Variants in PEAR1 observed in about 807,000 individuals in gnomAD.
PEAR1 encodes the protein multiple EGF-like domains protein 12.
A neutral mutation model predicts 131.2 loss-of-function variants in PEAR1; 113 were observed. The ratio of observed to expected loss-of-function variants is 0.86; its 90% confidence interval spans 0.74 to 1.01. The LOEUF (loss-of-function observed/expected upper bound fraction) is 1.01. PEAR1 is among the 50% of genes least tolerant of loss of function. PEAR1 has a pLI of 0.00. For missense variants in PEAR1, 1,408 were observed against 1,391.1 expected (o/e 1.01, Z -0.19); for synonymous variants, 565 against 523.3 (o/e 1.08, Z -1.09).
In PEAR1 at chr1:156,914,979, A is replaced by T; in HGVS notation, c.*181A>T. 1 of 644,978 alleles carries T rather than the reference A, an allele frequency of 1.6e-6. No individual in the cohort carries two copies. The highest frequency in any genetic ancestry group is 2.4e-6 in the Non-Finnish European group (1 of 412,586). 40.0% of individuals were successfully genotyped at this position (644,978 alleles called of 1,614,324 possible). A position where few individuals can be genotyped will look rare whatever the true frequency, so the allele number is the denominator to read the frequency against. ...CTGGGTTCTACCATGGGAGACGCTG[A>T]TCAGCAGGATGCCTGGCTCCCTTTC... On this transcript the variant is annotated 3_prime_UTR_variant, in exon 23 of 23. Transcript: ENST00000292357.
Position 156,908,802 on chromosome 1 carries a change from C to T in PEAR1, c.1263C>T (p.Gly421=). The stretch of plus-strand genomic sequence containing the variant: ...GTGGCGTCTGCCAGGCTACCAGCGG[C>T]CTCTGTCAGTGCGCGCCGGGTTACA... ...LHGGVCQATS[G]LCQCAPGYTG... The change falls in exon 10 of 23, where the codon GGC becomes GGT. Residue 421 remains glycine, a synonymous_variant. Transcript: ENST00000292357. The surrounding 1 kb of genome is among the most constrained non-coding windows in gnomAD (Gnocchi z 4.2). 2 of 1,607,230 alleles carry T rather than the reference C, an allele frequency of 1.2e-6. No individual in the cohort carries two copies. The highest frequency in any genetic ancestry group is 1.7e-6 in the Non-Finnish European group (2 of 1,179,310).
At position 156,908,211 on chromosome 1, in the gene PEAR1, C is replaced by T. The variant is rs1650591921; in HGVS notation, c.986C>T (p.Pro329Leu). 3.7e-6 allele frequency: 6 copies of T among 1,602,684 alleles called. No individual in the cohort carries two copies. In the African/African-American group the frequency reaches 4.0e-5, roughly 11 times the overall value. Residue 329 changes from proline (P) to leucine (L), a missense_variant, in exon 9 of 23, where the codon CCG (proline) becomes CTG (leucine). Coordinates refer to ENST00000292357, the MANE Select transcript of PEAR1 (RefSeq NM_001080471.3). This position sits in a 1 kb window ranked among gnomAD's most constrained non-coding sequence, Gnocchi z 4.2. The stretch of plus-strand genomic sequence containing the variant: ...TGCGCCCCGGACGCCCGTTGCTTCC[C>T]GGCCAACGGCGCATGTCTGTGCGAA... ...CDCAPDARCFPANGACLCEHG... is the reference protein window; with the variant it reads ...CDCAPDARCFLANGACLCEHG...
At position 156,914,752 on chromosome 1, in the gene PEAR1, C is replaced by A. The variant is rs764750641; in HGVS notation, c.3068C>A (p.Pro1023Gln). 1 of 1,614,056 alleles carries A rather than the reference C, an allele frequency of 6.2e-7. No individual in the cohort carries two copies. The highest frequency in any genetic ancestry group is 8.5e-7 in the Non-Finnish European group (1 of 1,179,920). ...ATCCCTGGACATTATGACTTGCCTC[C>A]AGTACGGCATCCCCCATCACCTCCA... ...SHIPGHYDLP[P>Q]VRHPPSPPLR... The change falls in exon 23 of 23, where the codon CCA becomes CAA. Residue 1023 changes from proline to glutamine, a missense_variant. Physicochemically the swap from Pro to Gln is moderately conservative, Grantham distance 76 (BLOSUM62 -1). Transcript: ENST00000292357.
chr1:156,896,940 A>G (rs1380538855), intron 1 of PEAR1, among the ~76,000 whole-genome samples: 1 of 152,154 alleles, frequency 6.6e-6, no homozygotes, highest in African/African-American at 2.4e-5. Flanking sequence ...CCATCATCTC[A>G]TCAAACACGC....
At chr1:156,906,115 C>T (rs1364071211) in intron 4 of PEAR1, among the ~76,000 whole-genome samples, 161 bp from the exon 5 acceptor site, 1 of 152,198 alleles carries the variant, frequency 6.6e-6, no homozygotes, top group Non-Finnish European at 1.5e-5. Context: ...CTAAGTTCTC[C>T]CCCTGAGTTG....
chr1:156,911,069 C>CT (rs879378816), intron 15 of PEAR1, among the ~76,000 whole-genome samples: 132 of 115,606 alleles, frequency 1.1e-3, no homozygotes, highest in Non-Finnish European at 1.5e-3. Context: ...TTCTTTCTTT[C>CT]TTTCTTTCTT....
chr1:156,896,409 C>T (rs576244135), intron 1 of PEAR1, among the ~76,000 whole-genome samples: 58 of 152,306 alleles, frequency 3.8e-4, no homozygotes, highest in African/African-American at 1.3e-3. Context: ...GCCAGACAGC[C>T]CTTGGCAAGG....
chr1:156,906,350 G>A lies in PEAR1; in HGVS notation c.382G>A (p.Gly128Ser), dbSNP rs1650297741. 1.9e-6 allele frequency: 3 copies of A among 1,614,192 alleles called. No homozygotes were observed. The highest frequency in any genetic ancestry group is 1.6e-4 in the Middle Eastern group (1 of 6,062). Residue 128 changes from glycine (G) to serine (S), a missense_variant, in exon 5 of 23, where the codon GGC (glycine) becomes AGC (serine). By Grantham distance (56) the Gly-to-Ser change is moderately conservative. Transcript: ENST00000292357. ...GTGCCAATGTGTGCCAGGCTGGCGG[G>A]GCGACGACTGTTCCAGTGGTGAGTG... Reference protein sequence around the residue: ...NQCQCVPGWRGDDCSSECAPG... With the variant: ...NQCQCVPGWRSDDCSSECAPG...
chr1:156,906,080 G>A (rs1042756351), intron 4 of PEAR1, among the ~76,000 whole-genome samples, 196 bp from the exon 5 acceptor site: 1 of 152,208 alleles, frequency 6.6e-6, no homozygotes, highest in Non-Finnish European at 1.5e-5. Flanking sequence ...AAAGGAACAG[G>A]GGAACCCAGA....
chr1:156,905,070 T>C, intron 3 of PEAR1: 1 of 1,142,364 alleles, frequency 8.8e-7, no homozygotes, highest in Non-Finnish European at 1.3e-6. Flanking sequence ...TTACAGTATA[T>C]GCCTGTGGGG....
chr1:156,906,348 G>A lies in PEAR1; in HGVS notation c.380G>A (p.Arg127Gln), dbSNP rs755930891. The A allele has an allele frequency of 9.3e-6, 15 of 1,614,184 alleles. No individual in the cohort carries two copies. The African/African-American group carries it at 1.1e-4, about 11-fold the overall frequency. ...PNQCQCVPGW[R>Q]GDDCSSECAP... ...CAGTGCCAATGTGTGCCAGGCTGGCGGGGCGACGACTGTTCCAGTGGTGAG... is the reference window on the plus strand; with the variant it reads ...CAGTGCCAATGTGTGCCAGGCTGGCAGGGCGACGACTGTTCCAGTGGTGAG... The change falls in exon 5 of 23, where the codon CGG becomes CAG. Residue 127 changes from arginine to glutamine, a missense_variant. Transcript: ENST00000292357.
chr1:156,906,487 A>G, intron 5 of PEAR1, 119 bp downstream of exon 5: 2 of 1,529,968 alleles, frequency 1.3e-6, no homozygotes, highest in African/African-American at 1.4e-5. Context: ...TACCCGCCAG[A>G]GCCCCATTGC....
At chr1:156,909,131 C>T (rs1436151452) in intron 11 of PEAR1, 95 bp downstream of exon 11, 12 of 1,533,700 alleles carry the variant, frequency 7.8e-6, no homozygotes, top group South Asian at 2.4e-5. Context: ...GGCAGGGGAG[C>T]GGCTGCAGGG....
At position 156,912,570 on chromosome 1, in the gene PEAR1, G is replaced by A; in HGVS notation, c.2157G>A (p.Glu719=). 6.2e-7 allele frequency: 1 copy of A among 1,614,084 alleles called. No individual in the cohort carries two copies. Among genetic ancestry groups the A allele is most frequent in the South Asian group, 1.1e-5 (1 of 91,090 alleles). The change falls in exon 17 of 23, where the codon GAG becomes GAA. Residue 719 remains glutamate (E), a synonymous_variant. Transcript: ENST00000292357. The part of the protein sequence containing the change: ...QCGPGEKCHP[E]TGACVCPPGH... ...GTCCTGGAGAAAAGTGCCACCCAGAGACTGGGGCCTGTGTATGTCCCCCAG... is the reference window on the plus strand; with the variant it reads ...GTCCTGGAGAAAAGTGCCACCCAGAAACTGGGGCCTGTGTATGTCCCCCAG...
intron 1 of PEAR1, among the ~76,000 whole-genome samples, chr1:156,896,979 C>T (rs1649229006): frequency 1.3e-5 from 2 of 152,238 alleles, no homozygotes; most frequent in East Asian, 3.8e-4. Flanking sequence ...GGCCCCGAGA[C>T]AAGGGCCCAG....
At chr1:156,905,725 GCTGTCT>G (rs1285154506) in intron 4 of PEAR1, among the ~76,000 whole-genome samples, 1 of 152,072 alleles carries the variant, frequency 6.6e-6, no homozygotes, top group African/African-American at 2.4e-5. Context: ...CTGTCTTTGG[GCTGTCT>G]CTGTCTCTCT....
At position 156,909,035 on chromosome 1, in the gene PEAR1, A is replaced by G; in HGVS notation, c.1410A>G (p.Glu470=). ...SPIDGECVCK[E]GWQRGNCSVP... ...TCGACGGCGAGTGCGTCTGCAAGGA[A>G]GGTAATAGGGTGGAGTTTCCCAGAG... The change falls in exon 11 of 23, where the codon GAA becomes GAG. Residue 470 remains glutamate, a splice_region_variant and synonymous_variant. Coordinates refer to ENST00000292357, the MANE Select transcript of PEAR1 (RefSeq NM_001080471.3). 1 of 1,613,952 alleles carries G rather than the reference A, an allele frequency of 6.2e-7. No homozygotes were observed. Among genetic ancestry groups the G allele is most frequent in the Non-Finnish European group, 8.5e-7 (1 of 1,179,994 alleles).
At chr1:156,906,500 C>A in intron 5 of PEAR1, 132 bp downstream of exon 5, 1 of 1,531,110 alleles carries the variant, frequency 6.5e-7, no homozygotes, top group Non-Finnish European at 8.9e-7. Flanking sequence ...CCCATTGCTG[C>A]CATCTGCCTT....
chr1:156,908,273 T>A lies in PEAR1; in HGVS notation c.1048T>A (p.Cys350Ser), dbSNP rs751702595. Residue 350 changes from cysteine (C) to serine (S), a missense_variant, in exon 9 of 23, where the codon TGC becomes AGC. By Grantham distance (112) the Cys-to-Ser change is moderately radical. Transcript: ENST00000292357. This position sits in a 1 kb window ranked among gnomAD's most constrained non-coding sequence, Gnocchi z 4.2. ...FTGDRCTDRLCPDGFYGLSCQ... is the reference protein window; with the variant it reads ...FTGDRCTDRLSPDGFYGLSCQ... Reference sequence around the variant, plus strand: ...TGGGGACCGCTGCACGGATCGCCTCTGCCCCGACGGCTTCTACGGTCTCAG... The same window carrying A: ...TGGGGACCGCTGCACGGATCGCCTCAGCCCCGACGGCTTCTACGGTCTCAG... 3 of 1,588,076 alleles carry A rather than the reference T, an allele frequency of 1.9e-6. No individual in the cohort carries two copies. Among genetic ancestry groups the A allele is most frequent in the South Asian group, 2.3e-5 (2 of 88,024 alleles).
Sources: gnomAD v4.1 joint callset for allele counts (sites outside exome capture counted in the v4.1 genomes callset) on GRCh38, gnomAD v4.1.1 for gene constraint, Gnocchi (gnomAD v3.1) non-coding constraint, MANE v1.5 for transcripts, NCBI Gene and HGNC (gene_info 2026-07-23, HGNC 2026-07-21) for gene names.